The following NEBL variants were observed in gnomAD, a reference collection of about 807,000 sequenced individuals.
NEBL encodes the protein nebulette.
In NEBL, 122 loss-of-function variants were observed where a neutral mutation model predicts 140.2. That is an observed-to-expected ratio of 0.87 (90% CI 0.75 to 1.01). The LOEUF is 1.01. Among genes scored for constraint, NEBL ranks in the 50% least tolerant of loss-of-function variants. The pLI is 0.00. For missense variants in NEBL, 1,365 were observed against 1,231.3 expected (o/e 1.11, Z -1.62); for synonymous variants, 436 against 398.9 (o/e 1.09, Z -1.11).
chr10:20,973,364 C>T (rs1162717223), intron 3 of NEBL, among the ~76,000 whole-genome samples: 2 of 151,808 alleles, frequency 1.3e-5, no homozygotes, highest in African/African-American at 4.8e-5. Flanking sequence ...CCTCCCACCT[C>T]AGCCCCCGGC....
chr10:20,813,389 T>G (rs1249860465), intron 23 of NEBL, among the ~76,000 whole-genome samples: 1 of 150,174 alleles, frequency 6.7e-6, no homozygotes, highest in Admixed American at 6.6e-5. Flanking sequence ...TAACAATATA[T>G]ACCACTTTTA....
intron 2 of NEBL, among the ~76,000 whole-genome samples, chr10:21,099,965 A>C (rs1327883541): frequency 6.6e-6 from 1 of 152,214 alleles, no homozygotes; most frequent in Non-Finnish European, 1.5e-5. Flanking sequence ...CAGAGTTGCA[A>C]AAAAATAAAA....
At chr10:20,788,596 T>C (rs1835643327) in intron 26 of NEBL, among the ~76,000 whole-genome samples, 1 of 152,188 alleles carries the variant, frequency 6.6e-6, no homozygotes, top group South Asian at 2.1e-4. Context: ...ATTTATCTTA[T>C]AAAGTTATTA....
chr10:21,130,149 G>T (rs539664736), intron 2 of NEBL, among the ~76,000 whole-genome samples: 39 of 152,106 alleles, frequency 2.6e-4, no homozygotes, highest in Admixed American at 9.2e-4. Flanking sequence ...AGTCATCTGG[G>T]ACAAAGAAAG....
At chr10:21,171,576 T>C (rs1325279892) in intron 2 of NEBL, 1 of 152,180 alleles carries the variant, frequency 6.6e-6, no homozygotes. Flanking sequence ...AAGGCCGCAA[T>C]TTCATTACCC....
At chr10:21,133,878 T>A (rs1318544277) in intron 2 of NEBL, among the ~76,000 whole-genome samples, 2 of 152,126 alleles carry the variant, frequency 1.3e-5, no homozygotes, top group African/African-American at 4.8e-5. Flanking sequence ...GTCCTGTGTA[T>A]AAGTCAATCT....
chr10:20,909,098 C>T (rs1387189929), intron 4 of NEBL, among the ~76,000 whole-genome samples: 1 of 151,838 alleles, frequency 6.6e-6, no homozygotes, highest in Non-Finnish European at 1.5e-5. Context: ...ATAATCACAT[C>T]ATGGAGAATG....
intron 3 of NEBL, among the ~76,000 whole-genome samples, chr10:21,225,724 G>A (rs535903666): frequency 5.3e-5 from 8 of 152,132 alleles, no homozygotes; most frequent in African/African-American, 1.2e-4. Context: ...AGGCCCAAGC[G>A]CTCTTCAGTC....
intron 2 of NEBL, among the ~76,000 whole-genome samples, chr10:21,077,977 C>T (rs1836181575): frequency 6.6e-6 from 1 of 152,186 alleles, no homozygotes. Context: ...TACTGCAGAG[C>T]TGGCTGTCAC....
intron 2 of NEBL, among the ~76,000 whole-genome samples, chr10:21,079,740 G>T (rs779594269): frequency 2.2e-4 from 33 of 152,238 alleles, no homozygotes; most frequent in Non-Finnish European, 3.8e-4. Flanking sequence ...CTTTGAGATG[G>T]CCAAGGCTGT....
At chr10:20,842,254 A>C (rs555241805) in intron 12 of NEBL, among the ~76,000 whole-genome samples, 1 of 152,256 alleles carries the variant, frequency 6.6e-6, no homozygotes, top group African/African-American at 2.4e-5. Context: ...AAATGACCCG[A>C]GTGAAAGTCA....
At chr10:20,938,542 TA>T (rs1834645683) in intron 4 of NEBL, among the ~76,000 whole-genome samples, 1 of 152,144 alleles carries the variant, frequency 6.6e-6, no homozygotes, top group African/African-American at 2.4e-5. Context: ...CTCTTCTCCT[TA>T]AAAGGAATGC....
At chr10:20,846,702 G>A (rs901926566) in intron 11 of NEBL, among the ~76,000 whole-genome samples, 23 of 152,116 alleles carry the variant, frequency 1.5e-4, no homozygotes, top group Admixed American at 6.6e-5. Context: ...TTTAAATGGT[G>A]AAATAGAAAT....
At chr10:21,244,177 T>C (rs1047036732) in intron 3 of NEBL, among the ~76,000 whole-genome samples, 1 of 152,022 alleles carries the variant, frequency 6.6e-6, no homozygotes, top group Non-Finnish European at 1.5e-5. Context: ...CTTATTCTTT[T>C]TGTTTTTTGA....
At chr10:21,224,802 A>G (rs1304518101) in intron 3 of NEBL, among the ~76,000 whole-genome samples, 1 of 152,048 alleles carries the variant, frequency 6.6e-6, no homozygotes, top group African/African-American at 2.4e-5. Flanking sequence ...TCTTTTTCAG[A>G]TTGTTCACTG....
chr10:21,172,493 AAACATTT>A, intron 1 of NEBL: 1 of 1,598,732 alleles, frequency 6.3e-7, no homozygotes, highest in Non-Finnish European at 8.6e-7. Flanking sequence ...AAAAAAAAAA[AAACATTT>A]AAAAATACAG....
At chr10:20,816,413 T>C (rs978266889) in intron 21 of NEBL, among the ~76,000 whole-genome samples, 16 of 152,202 alleles carry the variant, frequency 1.1e-4, no homozygotes, top group African/African-American at 3.9e-4. Context: ...TAGGTGACTG[T>C]GGGCATCCTT....
At chr10:21,060,982 G>A (rs185115164) in intron 2 of NEBL, among the ~76,000 whole-genome samples, 6 of 152,126 alleles carry the variant, frequency 3.9e-5, no homozygotes, top group Admixed American at 2.6e-4. Flanking sequence ...CTGTGCCCCC[G>A]AGAAAGATTT....
rs1405835524 is a variant in NEBL, at chr10:20,993,606, G to A, written c.249+26511C>T. 2.6e-5 allele frequency among the ~76,000 whole-genome samples: 4 copies of A among 152,092 alleles called. 1 individual carries two copies. Among genetic ancestry groups the A allele is most frequent in the Admixed American group, 2.6e-4 (4 of 15,272 alleles). On this transcript the variant is annotated intron_variant, in intron 3 of 6. Transcript: ENST00000417816. ...GCTATACAGAACATGTTCTCACAATGGGTTGCAGGGATGCCATGGAAGCCC... is the reference window on the plus strand; with the variant it reads ...GCTATACAGAACATGTTCTCACAATAGGTTGCAGGGATGCCATGGAAGCCC...
Sources: gnomAD v4.1 joint callset for allele counts (sites outside exome capture counted in the v4.1 genomes callset) on GRCh38, gnomAD v4.1.1 for gene constraint, MANE v1.5 for transcripts, NCBI Gene and HGNC (gene_info 2026-07-23, HGNC 2026-07-21) for gene names.